The following EPB41 variants were observed in gnomAD, a reference collection of about 807,000 sequenced individuals.
The protein encoded by EPB41 is protein 4.1.
In EPB41, 65 loss-of-function variants were observed where a neutral mutation model predicts 108.0. That is an observed-to-expected ratio of 0.60 (90% confidence interval 0.49 to 0.74). EPB41 has a LOEUF of 0.74. EPB41 is among the 30% of genes least tolerant of loss of function. The pLI is 0.00. For missense variants in EPB41, 875 were observed against 1,037.0 expected, an observed-to-expected ratio of 0.84 and a Z score of 2.15; for synonymous variants, 336 against 358.9, an observed-to-expected ratio of 0.94 and a Z score of 0.72.
chr1:28,991,733 A>C (rs1261301795), intron 2 of EPB41, among the ~76,000 whole-genome samples: 2 of 151,442 alleles, frequency 1.3e-5, no homozygotes, highest in Non-Finnish European at 1.5e-5. Context: ...AAAAAAACAA[A>C]TCGTGGATTC....
chr1:28,959,813 CT>C (rs1166039450), intron 1 of EPB41, among the ~76,000 whole-genome samples: 1 of 151,474 alleles, frequency 6.6e-6, no homozygotes, highest in Non-Finnish European at 1.5e-5. Context: ...CTTCCTTGCT[CT>C]CTTTTTTCTT....
chr1:28,957,608 T>C (rs2095013117), intron 1 of EPB41, among the ~76,000 whole-genome samples: 1 of 152,184 alleles, frequency 6.6e-6, no homozygotes, highest in South Asian at 2.1e-4. Context: ...TTTCACTATA[T>C]TGGTCAGGCC....
chr1:29,065,736 G>A (rs554442110), intron 16 of EPB41: 2 of 152,632 alleles, frequency 1.3e-5, no homozygotes, highest in African/African-American at 4.8e-5. Context: ...AGCACTTTGG[G>A]AGGCCAAGAC....
At chr1:28,916,935 C>T (rs1286297985) in intron 1 of EPB41, among the ~76,000 whole-genome samples, 1 of 151,666 alleles carries the variant, frequency 6.6e-6, no homozygotes, top group Non-Finnish European at 1.5e-5. Context: ...GGACTATAGG[C>T]GTGTGCCCCC....
chr1:28,970,703 G>A (rs536462891), intron 1 of EPB41, among the ~76,000 whole-genome samples: 1 of 152,244 alleles, frequency 6.6e-6, no homozygotes, highest in South Asian at 2.1e-4. Flanking sequence ...TTGATCTGAA[G>A]GTCACTTACC....
At position 29,119,107 on chromosome 1, in the gene EPB41, C is replaced by T. The variant is rs1055129909; in HGVS notation, c.*2295C>T. 1.3e-5 allele frequency: 2 copies of T among 152,378 alleles called. No homozygotes were observed. Among genetic ancestry groups the T allele is most frequent in the East Asian group, 1.9e-4 (1 of 5,198 alleles). The allele number at this position is 152,378 out of a possible 1,614,324, so 9.4% of individuals were successfully genotyped here. Reference sequence around the variant, plus strand: ...CCTCAGCTCTGTCACCAACTCACTTCTCTCGGCTTCGTTGTCTGTAAATTG... The same window carrying T: ...CCTCAGCTCTGTCACCAACTCACTTTTCTCGGCTTCGTTGTCTGTAAATTG... On this transcript the variant is annotated 3_prime_UTR_variant, in exon 21 of 21. Coordinates refer to ENST00000343067, the MANE Select transcript of EPB41 (RefSeq NM_001376013.1).
chr1:28,918,822 A>G (rs907524372), intron 1 of EPB41, among the ~76,000 whole-genome samples: 1 of 152,230 alleles, frequency 6.6e-6, no homozygotes, highest in African/African-American at 2.4e-5. Context: ...AGGAGAGGAG[A>G]GGCAGATGCC....
chr1:28,889,787 G>T, intron 1 of EPB41: 1 of 985,238 alleles, frequency 1.0e-6, no homozygotes, highest in Non-Finnish European at 1.2e-6. Flanking sequence ...GAACCAAACC[G>T]AGCTTCATTC....
intron 16 of EPB41, among the ~76,000 whole-genome samples, chr1:29,066,793 C>A (rs1282984976): frequency 6.6e-6 from 1 of 151,910 alleles, no homozygotes; most frequent in African/African-American, 2.4e-5. Flanking sequence ...CCTGCCTCAG[C>A]CTCCCTAGTA....
At position 29,060,476 on chromosome 1, in the gene EPB41, A is replaced by C. The variant is rs1045009412; in HGVS notation, c.1999A>C (p.Met667Leu). ...ENIYIRHSNL[M>L]LEDLDKSQEE... ...CATTTATATCAGACATAGCAATTTA[A>C]TGTTGGAGGTTTGTATGAACTTGAA... The change falls in exon 15 of 21, where the codon ATG becomes CTG. Residue 667 changes from methionine (M) to leucine (L), a missense_variant. Physicochemically the swap from Met to Leu is conservative, Grantham distance 15. Coordinates refer to ENST00000343067, the MANE Select transcript of EPB41 (RefSeq NM_001376013.1). The C allele has an allele frequency of 1.2e-6, 2 of 1,612,996 alleles. No individual in the cohort carries two copies. Among genetic ancestry groups the C allele is most frequent in the Non-Finnish European group, 1.7e-6 (2 of 1,179,048 alleles).
intron 1 of EPB41, among the ~76,000 whole-genome samples, chr1:28,956,904 A>G (rs550689949): frequency 6.6e-6 from 1 of 152,370 alleles, no homozygotes; most frequent in East Asian, 1.9e-4. Context: ...CTAAATTTCA[A>G]GAAGAAATCA....
At position 29,109,350 on chromosome 1, in the gene EPB41, T is replaced by C. The variant is rs765049006; in HGVS notation, c.2328T>C (p.Ser776=). The change falls in exon 18 of 21, where the codon AGT becomes AGC. Residue 776 remains serine (S), a synonymous_variant. Transcript: ENST00000343067. ...TTCTTCTGCAGACTGACGACAACAG[T>C]GGAGACTTGGACCCAGGAGTCTTGC... The part of the protein sequence containing the change: ...TYEAAQTDDN[S]GDLDPGVLLT... 169 of 1,614,056 alleles carry C rather than the reference T, an allele frequency of 1.0e-4. 2 individuals are homozygous for C. In the Middle Eastern group the frequency reaches 5.3e-3, roughly 50 times the overall value.
chr1:29,098,715 G>A (rs1664133613), intron 17 of EPB41, among the ~76,000 whole-genome samples: 1 of 151,970 alleles, frequency 6.6e-6, no homozygotes, highest in African/African-American at 2.4e-5. Context: ...ACTTCATGGT[G>A]TTATGAGGAT....
At chr1:29,042,767 C>G (rs1342354100) in intron 11 of EPB41, among the ~76,000 whole-genome samples, 1 of 152,006 alleles carries the variant, frequency 6.6e-6, no homozygotes, top group Admixed American at 6.6e-5. Flanking sequence ...ACATGACACC[C>G]CCCAACTTTT....
intron 1 of EPB41, among the ~76,000 whole-genome samples, chr1:28,889,174 C>A (rs2089819975): frequency 6.6e-6 from 1 of 152,186 alleles, no homozygotes; most frequent in African/African-American, 2.4e-5. Flanking sequence ...CCGGACCTTG[C>A]AGGCATAAGC....
At chr1:29,039,512 T>A in intron 11 of EPB41, 86 bp downstream of exon 11, 1 of 1,547,750 alleles carries the variant, frequency 6.5e-7, no homozygotes, top group Non-Finnish European at 8.8e-7. Context: ...GAGAACCGAA[T>A]TAAAGAAGCT....
At chr1:29,106,225 C>T (rs1667100439) in intron 17 of EPB41, among the ~76,000 whole-genome samples, 4 of 152,252 alleles carry the variant, frequency 2.6e-5, no homozygotes, top group Middle Eastern at 3.4e-3. Context: ...GCATCTTTAG[C>T]ATTCTTCAGA....
chr1:28,962,993 AATGGAT>A (rs2095262523), intron 1 of EPB41, among the ~76,000 whole-genome samples: 1 of 152,116 alleles, frequency 6.6e-6, no homozygotes, highest in East Asian at 1.9e-4. Context: ...TTTTTCTTTT[AATGGAT>A]GACCATGGGA....
Position 29,053,418 on chromosome 1 carries a change from A to G in EPB41, c.1845+106A>G, listed in dbSNP as rs112152603. ...GCAATTGCTTATTCTCATAGACTCA[A>G]CAAAGTTATTCTTCATTCTTTCTAA... On this transcript the variant is annotated intron_variant, in intron 12 of 20. Coordinates refer to ENST00000343067, the MANE Select transcript of EPB41 (RefSeq NM_001376013.1). 9.8e-5 allele frequency: 113 copies of G among 1,151,644 alleles called. No homozygotes were observed. The Middle Eastern group carries it at 1.5e-3, about 16-fold the overall frequency. The allele number at this position is 1,151,644 out of a possible 1,614,324, so 71.3% of individuals were successfully genotyped here.
Sources: gnomAD v4.1 joint callset for allele counts (sites outside exome capture counted in the v4.1 genomes callset) on GRCh38, gnomAD v4.1.1 for gene constraint, MANE v1.5 for transcripts, NCBI Gene and HGNC (gene_info 2026-07-23, HGNC 2026-07-21) for gene names.